PLA2G4B: variants seen among roughly 807,000 people sequenced by gnomAD.
PLA2G4B encodes cytosolic phospholipase A2 beta.
A neutral mutation model predicts 95.8 loss-of-function variants in PLA2G4B; 122 were observed. That is an observed-to-expected ratio of 1.27 (90% confidence interval 1.10 to 1.48). PLA2G4B has a LOEUF of 1.48. Among genes scored for constraint, PLA2G4B ranks in the 40% most tolerant of loss-of-function variants. The probability of loss-of-function intolerance (pLI) is 0.00; values close to 1 mark genes in which losing one functional copy is unlikely to be tolerated. For missense variants in PLA2G4B, 1,158 were observed against 996.2 expected (o/e 1.16, Z -2.19); for synonymous variants, 518 against 421.5 (o/e 1.23, Z -2.80).
In PLA2G4B at chr15:41,840,754, G is replaced by A. The variant is rs775356124; in HGVS notation, c.220-20G>A. The A allele has an allele frequency of 1.9e-6, 3 of 1,611,986 alleles. No homozygotes were observed. The Admixed American group carries it at 5.0e-5, about 27-fold the overall frequency. The stretch of plus-strand genomic sequence containing the variant: ...TCTGTCCCCTCCCTCCTGCAGCCCT[G>A]TCACTCTTTTCCCCTCCAGAATGTC... On this transcript the variant is annotated intron_variant, in intron 3 of 19. Transcript: ENST00000458483.
rs2065516994 is a variant in PLA2G4B, at chr15:41,845,264, C to G, written c.1301C>G (p.Pro434Arg). The G allele has an allele frequency of 6.2e-6, 10 of 1,614,186 alleles. No homozygotes were observed. The East Asian group carries it at 2.0e-4, about 32-fold the overall frequency. Residue 434 changes from proline (P) to arginine (R), a missense_variant, in exon 14 of 20, where the codon CCC becomes CGC. Coordinates refer to ENST00000458483, the MANE Select transcript of PLA2G4B (RefSeq NM_001114633.2). ...CTGAGTCATGGCCAGAACCCTCTGCCCATCTACTGTGCCCTCAACACCAAA... is the reference window on the plus strand; with the variant it reads ...CTGAGTCATGGCCAGAACCCTCTGCGCATCTACTGTGCCCTCAACACCAAA... Reference protein sequence around the residue: ...EALSHGQNPLPIYCALNTKGQ... With the variant: ...EALSHGQNPLRIYCALNTKGQ...
chr15:41,841,730 A>T, intron 7 of PLA2G4B, 89 bp from the exon 8 acceptor site: 1 of 1,576,116 alleles, frequency 6.3e-7, no homozygotes, highest in Non-Finnish European at 8.6e-7. Context: ...CAGCGGGGAG[A>T]GGGAGGTGCC....
At chr15:41,842,010 C>T (rs2065440694) in intron 8 of PLA2G4B, 61 bp downstream of exon 8, 2 of 1,578,052 alleles carry the variant, frequency 1.3e-6, no homozygotes, top group African/African-American at 1.3e-5. Context: ...CTCTGCACCT[C>T]CTCCCAGTCT....
rs768012538 is a variant in PLA2G4B at position 41,845,006 on chromosome 15, T to TG, written c.1178dup (p.Tyr394LeufsTer19). On this transcript the variant is annotated frameshift_variant, in exon 13 of 20. Coordinates refer to ENST00000458483, the MANE Select transcript of PLA2G4B (RefSeq NM_001114633.2). LOFTEE classifies it high-confidence loss of function. The stretch of plus-strand genomic sequence containing the variant: ...CAGGAGCTGGCCGAGCGTGCCCGCT[T>TG]GGGCTACCCAAGCTGCTTCACCAAC... 1.2e-6 allele frequency: 2 copies of TG among 1,606,688 alleles called. No homozygotes were observed. The highest frequency in any genetic ancestry group is 1.7e-6 in the Non-Finnish European group (2 of 1,176,900).
Position 41,847,643 on chromosome 15 carries a change from C to T in PLA2G4B, c.2135-6C>T. 6.2e-7 allele frequency: 1 copy of T among 1,613,646 alleles called. No individual in the cohort carries two copies. The highest frequency in any genetic ancestry group is 8.5e-7 in the Non-Finnish European group (1 of 1,180,034). ...TTCCCCATGCCAGGCTGCACTCTCT[C>T]CACAGGGGTCCGGCGGACACCCGAG... On this transcript the variant is annotated splice_region_variant and splice_polypyrimidine_tract_variant and intron_variant, in intron 19 of 19. Transcript: ENST00000458483.
At chr15:41,842,690 C>T (rs2065457145) in intron 10 of PLA2G4B, 99 bp downstream of exon 10, 1 of 1,530,206 alleles carries the variant, frequency 6.5e-7, no homozygotes, top group Non-Finnish European at 8.8e-7. Flanking sequence ...ACAGCCGCCC[C>T]TCATCCTCAT....
chr15:41,843,601 G>T (rs1213842974), intron 10 of PLA2G4B, 75 bp from the exon 11 acceptor site: 7 of 1,570,426 alleles, frequency 4.5e-6, no homozygotes, highest in Non-Finnish European at 6.1e-6. Context: ...AGGTATTACA[G>T]GTGAGGCAGA....
Position 41,845,220 on chromosome 15 carries a change from C to T in PLA2G4B, c.1257C>T (p.Leu419=). Residue 419 remains leucine (L), a synonymous_variant, in exon 14 of 20, where the codon CTC becomes CTT. Transcript: ENST00000458483. ...LLHDEPHDHK[L]SDQREALSHG... ...TTCCCCAGCCCCATGATCACAAGCT[C>T]TCAGATCAACGGGAGGCCCTGAGTC... 3 of 1,614,178 alleles carry T rather than the reference C, an allele frequency of 1.9e-6. No individual in the cohort carries two copies. The highest frequency in any genetic ancestry group is 2.5e-6 in the Non-Finnish European group (3 of 1,180,004).
intron 12 of PLA2G4B, 65 bp downstream of exon 12, chr15:41,844,672 T>C (rs764368338): frequency 6.2e-7 from 1 of 1,609,442 alleles, no homozygotes; most frequent in East Asian, 2.2e-5. Context: ...AGGGTTCTCC[T>C]AGGCCTCTGA....
chr15:41,840,474 C>G, intron 2 of PLA2G4B, 50 bp from the exon 3 acceptor site: 1 of 1,611,384 alleles, frequency 6.2e-7, no homozygotes, highest in Non-Finnish European at 8.5e-7. Flanking sequence ...TGGGTCTGGG[C>G]GGCTGGGAAG....
chr15:41,845,427 G>A, intron 14 of PLA2G4B, 107 bp downstream of exon 14: 2 of 1,482,758 alleles, frequency 1.3e-6, no homozygotes, highest in East Asian at 2.3e-5. Context: ...TCCTGAGCCA[G>A]GTCCCGTGCT....
chr15:41,839,171 C>A, intron 1 of PLA2G4B: 1 of 386,270 alleles, frequency 2.6e-6, no homozygotes, highest in Non-Finnish European at 4.7e-6. Context: ...GATTTGGGCC[C>A]TGGAGACTCA....
At chr15:41,842,317 G>A (rs1202022115) in intron 9 of PLA2G4B, 41 bp downstream of exon 9, 1 of 1,611,410 alleles carries the variant, frequency 6.2e-7, no homozygotes, top group South Asian at 1.1e-5. Flanking sequence ...GCCTGGATGG[G>A]GCTGGGACCC....
At position 41,845,291 on chromosome 15, in the gene PLA2G4B, GGCAGA is replaced by G; in HGVS notation, c.1331_1335del (p.Gln444ProfsTer5). On this transcript the variant is annotated frameshift_variant, in exon 14 of 20. Coordinates refer to ENST00000458483, the MANE Select transcript of PLA2G4B (RefSeq NM_001114633.2). LOFTEE classifies it high-confidence loss of function. The stretch of plus-strand genomic sequence containing the variant: ...ATCTACTGTGCCCTCAACACCAAAG[GGCAGA>G]GCCTGACCACTTTTGAATTTGGGGG... 1 of 1,614,128 alleles carries G rather than the reference GGCAGA, an allele frequency of 6.2e-7. No individual in the cohort carries two copies. The highest frequency in any genetic ancestry group is 1.7e-5 in the Admixed American group (1 of 60,018).
At chr15:41,838,948 CCTACTGGGACCCCTGGTCT>C (rs753904845) in intron 1 of PLA2G4B, 26 bp downstream of exon 1, 5 of 1,568,026 alleles carry the variant, frequency 3.2e-6, no homozygotes, top group Non-Finnish European at 4.3e-6. Flanking sequence ...GCCCTGGGTC[CCTACTGGGACCCCTGGTCT>C]CTACCTGGGG....
chr15:41,840,579 GCT>G lies in PLA2G4B; in HGVS notation c.140_141del (p.Leu47ProfsTer10). On this transcript the variant is annotated frameshift_variant, in exon 3 of 20. Coordinates refer to ENST00000458483, the MANE Select transcript of PLA2G4B (RefSeq NM_001114633.2). LOFTEE classifies it high-confidence loss of function. ...GGCTGCCCACGGCCTGCAGCCACAGGCTCCAGACACGCACGGTCAAGAACAGC... is the reference window on the plus strand; with the variant it reads ...GGCTGCCCACGGCCTGCAGCCACAGGCCAGACACGCACGGTCAAGAACAGC... ...LWLPTACSHR[L>X]QTRTVKNSSS... 1 of 1,613,946 alleles carries G rather than the reference GCT, an allele frequency of 6.2e-7. No homozygotes were observed. Among genetic ancestry groups the G allele is most frequent in the African/African-American group, 1.3e-5 (1 of 75,038 alleles).
intron 18 of PLA2G4B, 51 bp downstream of exon 18, chr15:41,846,886 C>T: frequency 6.5e-7 from 1 of 1,545,268 alleles, no homozygotes; most frequent in Non-Finnish European, 8.8e-7. Flanking sequence ...GCCCCTGTCC[C>T]CTGAAGAGAG....
At chr15:41,845,841 C>A in intron 15 of PLA2G4B, 66 bp downstream of exon 15, 1 of 1,533,392 alleles carries the variant, frequency 6.5e-7, no homozygotes, top group South Asian at 1.3e-5. Flanking sequence ...GGTGAGAGGG[C>A]AGCCTCGGTC....
chr15:41,846,561 G>GTGTT, intron 17 of PLA2G4B, 108 bp from the exon 18 acceptor site: 1 of 1,516,512 alleles, frequency 6.6e-7, no homozygotes, highest in Non-Finnish European at 8.9e-7. Flanking sequence ...GGCTGTGGGG[G>GTGTT]TGTTGGTTCA....
Sources: gnomAD v4.1 joint callset for allele counts on GRCh38, gnomAD v4.1.1 for gene constraint, MANE v1.5 for transcripts, NCBI Gene and HGNC (gene_info 2026-07-23, HGNC 2026-07-21) for gene names.